The following FANCA variants were observed in gnomAD, a reference collection of about 807,000 sequenced individuals.
The protein encoded by FANCA is Fanconi anemia group A protein.
Under a neutral mutation model 194.3 loss-of-function variants are expected in FANCA, and 236 were observed. That is an observed-to-expected ratio of 1.21 (90% confidence interval 1.09 to 1.35). The LOEUF is 1.35. FANCA is among the 40% of genes most tolerant of loss of function. FANCA has a pLI of 0.00. For missense variants in FANCA, 2,628 were observed against 1,813.9 expected, an observed-to-expected ratio of 1.45 and a Z score of -8.15; for synonymous variants, 1,014 against 715.8, an observed-to-expected ratio of 1.42 and a Z score of -6.65.
At position 89,808,309 on chromosome 16, in the gene FANCA, T is replaced by C. The variant is rs919874783; in HGVS notation, c.581A>G (p.Gln194Arg). 5 of 1,614,132 alleles carry C rather than the reference T, an allele frequency of 3.1e-6. No individual in the cohort carries two copies. The highest frequency in any genetic ancestry group is 4.2e-6 in the Non-Finnish European group (5 of 1,179,988). Reference protein sequence around the residue: ...HLHVQGIVSLQELLESHPDMH... With the variant: ...HLHVQGIVSLRELLESHPDMH... ...AGCACGCTACCTTTCCAGCAGCTCT[T>C]GCAGGCTCACAATGCCTTGTACGTG... Residue 194 changes from glutamine to arginine, a missense_variant, in exon 6 of 43, where the codon CAA becomes CGA. Physicochemically the swap from Gln to Arg is conservative, Grantham distance 43 (BLOSUM62 1). Transcript: ENST00000389301.
Position 89,738,898 on chromosome 16 carries a change from A to C in FANCA, c.4244T>G (p.Phe1415Cys), listed in dbSNP as rs201658945. The change falls in exon 42 of 43, where the codon TTC becomes TGC. Residue 1415 changes from phenylalanine (F) to cysteine (C), a missense_variant. Transcript: ENST00000389301. Reference sequence around the variant, plus strand: ...TGACGTTACCTCTGCCACGTGTGAGAAGCTCTTTTTCGGGCACCGAGGTAT... The same window carrying C: ...TGACGTTACCTCTGCCACGTGTGAGCAGCTCTTTTTCGGGCACCGAGGTAT... ...QLIPRCPKKS[F>C]SHVAELLADR... 2.4e-5 allele frequency: 39 copies of C among 1,614,234 alleles called. No homozygotes were observed. Among genetic ancestry groups the C allele is most frequent in the African/African-American group, 1.7e-4 (13 of 75,066 alleles).
intron 30 of FANCA, among the ~76,000 whole-genome samples, chr16:89,753,140 TTCTC>T (rs778937706): frequency 6.6e-5 from 10 of 152,180 alleles, no homozygotes; most frequent in Admixed American, 3.3e-4. Context: ...TAAGCTGTCT[TTCTC>T]TCTGTCTCCT....
chr16:89,804,555 T>TGGTCC (rs1194898484), intron 7 of FANCA, among the ~76,000 whole-genome samples: 1 of 152,150 alleles, frequency 6.6e-6, no homozygotes, highest in Admixed American at 6.6e-5. Flanking sequence ...AGCTGGACTC[T>TGGTCC]GGTCCGAGCC....
intron 35 of FANCA, among the ~76,000 whole-genome samples, chr16:89,745,502 C>T (rs950874594): frequency 1.6e-5 from 2 of 127,500 alleles, no homozygotes; most frequent in African/African-American, 6.1e-5. Context: ...GAGCTGGGAA[C>T]GAAACAGTGA....
chr16:89,740,496 G>C, intron 38 of FANCA: 2 of 480,634 alleles, frequency 4.2e-6, no homozygotes, highest in South Asian at 4.6e-5. Flanking sequence ...TTAGCCGGGT[G>C]TGACAGACTC....
intron 5 of FANCA, among the ~76,000 whole-genome samples, chr16:89,808,998 C>T (rs930866526): frequency 2.0e-5 from 3 of 151,916 alleles, no homozygotes; most frequent in Non-Finnish European, 4.4e-5. Context: ...CTCTGCCTCC[C>T]GGGTTCACGC....
chr16:89,801,343 C>CAAAAAAAAAAA (rs60802306), intron 8 of FANCA, among the ~76,000 whole-genome samples: 216 of 100,300 alleles, frequency 2.2e-3, no homozygotes, highest in African/African-American at 7.9e-3. Flanking sequence ...GACTCTGTCT[C>CAAAAAAAAAAA]AAAAAAAAAA....
intron 27 of FANCA, among the ~76,000 whole-genome samples, chr16:89,765,340 G>C (rs1453329400): frequency 6.6e-6 from 1 of 151,010 alleles, no homozygotes; most frequent in Non-Finnish European, 1.5e-5. Flanking sequence ...ACGTTCAGGG[G>C]ACCTCAGTCC....
Position 89,792,494 on chromosome 16 carries a change from G to C in FANCA, c.1060C>G (p.Leu354Val). 1 of 1,613,528 alleles carries C rather than the reference G, an allele frequency of 6.2e-7. No homozygotes were observed. Among genetic ancestry groups the C allele is most frequent in the Non-Finnish European group, 8.5e-7 (1 of 1,180,016 alleles). The change falls in exon 12 of 43, where the codon CTG becomes GTG. Residue 354 changes from leucine to valine, a missense_variant. Physicochemically the swap from Leu to Val is conservative, Grantham distance 32 (BLOSUM62 1). Coordinates refer to ENST00000389301, the MANE Select transcript of FANCA (RefSeq NM_000135.4). Reference sequence around the variant, plus strand: ...ACCCTGCGGTACAGTGAGGTGAGCAGAGGGTGTGTCCGCGCAAAGCTCCAC... The same window carrying C: ...ACCCTGCGGTACAGTGAGGTGAGCACAGGGTGTGTCCGCGCAAAGCTCCAC... Reference protein sequence around the residue: ...REWSFARTHPLLTSLYRRLFV... With the variant: ...REWSFARTHPVLTSLYRRLFV...
chr16:89,744,652 A>C (rs893874355), intron 36 of FANCA: 1 of 402,848 alleles, frequency 2.5e-6, no homozygotes, highest in Middle Eastern at 8.0e-4. Flanking sequence ...CAGACGAGAC[A>C]CTGGCAGAGG....
At chr16:89,766,741 G>C (rs1449422719) in intron 27 of FANCA, among the ~76,000 whole-genome samples, 1 of 151,778 alleles carries the variant, frequency 6.6e-6, no homozygotes, top group Non-Finnish European at 1.5e-5. Context: ...TCCTTTGTCT[G>C]AACAATGTAA....
At chr16:89,749,077 G>C (rs2038490904) in intron 32 of FANCA, among the ~76,000 whole-genome samples, 1 of 152,198 alleles carries the variant, frequency 6.6e-6, no homozygotes, top group Admixed American at 6.5e-5. Flanking sequence ...GTCTAGTGAA[G>C]CAATTCCCTA....
In FANCA at chr16:89,771,689, G is replaced by C. The variant is rs200284845; in HGVS notation, c.2140C>G (p.Arg714Gly). 8 of 1,614,116 alleles carry C rather than the reference G, an allele frequency of 5.0e-6. No homozygotes were observed. The African/African-American group carries it at 9.3e-5, about 19-fold the overall frequency. Residue 714 changes from arginine (R) to glycine (G), a missense_variant, in exon 23 of 43, where the codon CGG (arginine) becomes GGG (glycine). By Grantham distance (125) the Arg-to-Gly change is moderately radical. Coordinates refer to ENST00000389301, the MANE Select transcript of FANCA (RefSeq NM_000135.4). ...GCCCCTACACCTACCATGTGTTCCC[G>C]TGGCTCCAGTCTCGGCGTGTTGATG... ...LSINTPRLEP[R>G]EHMAVDLLLT...
chr16:89,815,036 T>A (rs1446100434), intron 2 of FANCA, among the ~76,000 whole-genome samples: 1 of 152,196 alleles, frequency 6.6e-6, no homozygotes, highest in Non-Finnish European at 1.5e-5. Context: ...CCTACTGGGC[T>A]ATTTTCCTTT....
In FANCA at chr16:89,810,240, G is replaced by A. The variant is rs757312326; in HGVS notation, c.522+467C>T. Among the ~76,000 whole-genome samples, 16 of 147,584 alleles carry A rather than the reference G, an allele frequency of 1.1e-4. No individual in the cohort carries two copies. In the South Asian group the frequency reaches 3.1e-3, roughly 28 times the overall value. On this transcript the variant is annotated intron_variant, in intron 5 of 42. Transcript: ENST00000389301. ...CGGGAGGCTGAGGCAGGAGAATGGC[G>A]TGAACCTGGGAGGTGGGGCTTGCAG...
intron 29 of FANCA, among the ~76,000 whole-genome samples, chr16:89,759,309 G>A (rs1216824255): frequency 4.3e-5 from 3 of 70,058 alleles, no homozygotes; most frequent in Non-Finnish European, 8.8e-5. Flanking sequence ...AACAGAGCGA[G>A]ACTCCGTCTA....
At chr16:89,791,258 G>C (rs2040066585) in intron 14 of FANCA, 145 bp downstream of exon 14, 7 of 1,080,584 alleles carry the variant, frequency 6.5e-6, no homozygotes, top group Non-Finnish European at 9.6e-6. Flanking sequence ...CACACGCAGA[G>C]GAAGATCTGC....
At position 89,770,235 on chromosome 16, in the gene FANCA, G is replaced by C. The variant is rs772842754; in HGVS notation, c.2247C>G (p.Phe749Leu). ...PERQGPWAAL[F>L]VRTMCGRVLP... ...GCACACGTCCACACATGGTCCTCACGAAGAGGGCAGCCCAGGGACCCTGCC... is the reference window on the plus strand; with the variant it reads ...GCACACGTCCACACATGGTCCTCACCAAGAGGGCAGCCCAGGGACCCTGCC... The change falls in exon 25 of 43, where the codon TTC (phenylalanine) becomes TTG (leucine). Residue 749 changes from phenylalanine to leucine, a missense_variant. Transcript: ENST00000389301. 1 of 1,585,842 alleles carries C rather than the reference G, an allele frequency of 6.3e-7. No homozygotes were observed. The highest frequency in any genetic ancestry group is 8.6e-7 in the Non-Finnish European group (1 of 1,166,318).
In FANCA at chr16:89,749,046, A is replaced by T. The variant is rs55662549; in HGVS notation, c.3240-279T>A. Among the ~76,000 whole-genome samples, 350 of 152,352 alleles carry T rather than the reference A, an allele frequency of 2.3e-3. 4 individuals are homozygous for T. Among genetic ancestry groups the T allele is most frequent in the African/African-American group, 7.6e-3 (317 of 41,580 alleles). ...AACTTCTGACAGTTACACGATAACCAAGTGGATGACGCACCAGTCTGTCTA... is the reference window on the plus strand; with the variant it reads ...AACTTCTGACAGTTACACGATAACCTAGTGGATGACGCACCAGTCTGTCTA... On this transcript the variant is annotated intron_variant, in intron 32 of 42. Coordinates refer to ENST00000389301, the MANE Select transcript of FANCA (RefSeq NM_000135.4).
Sources: allele counts gnomAD v4.1 joint callset (sites outside exome capture counted in the v4.1 genomes callset), GRCh38; gene constraint gnomAD v4.1.1; transcripts MANE v1.5; gene names NCBI Gene and HGNC (gene_info 2026-07-23, HGNC 2026-07-21).